CACNA1G: variants seen among roughly 807,000 people sequenced by gnomAD.
The protein encoded by CACNA1G is calcium voltage-gated channel subunit alpha1 G, also known as voltage-dependent T-type calcium channel subunit alpha-1G.
CACNA1G carries 67 observed loss-of-function variants against 219.4 expected under a neutral mutation model. The ratio of observed to expected loss-of-function variants is 0.31; its 90% CI spans 0.25 to 0.37. The LOEUF is 0.37. Ranked by LOEUF, CACNA1G falls within the 10% of genes least tolerant of loss-of-function variation. The pLI is 1.00. For synonymous variants in CACNA1G, 1,296 were observed against 1,345.3 expected (o/e 0.96, Z 0.80); for missense variants, 2,380 against 3,231.4 (o/e 0.74, Z 6.39).
chr17:50,589,010 G>A (rs1002796157), intron 9 of CACNA1G, among the ~76,000 whole-genome samples: 2 of 152,224 alleles, frequency 1.3e-5, no homozygotes, highest in African/African-American at 4.8e-5. Flanking sequence ...AAGGAGAGGT[G>A]TCTGATGGAA....
At position 50,561,200 on chromosome 17, in the gene CACNA1G, C is replaced by T. The variant is rs1286641116; in HGVS notation, c.-260C>T. 12 of 565,378 alleles carry T rather than the reference C, an allele frequency of 2.1e-5. No homozygotes were observed. The highest frequency in any genetic ancestry group is 1.7e-4 in the Admixed American group (6 of 34,308). The allele number at this position is 565,378 out of a possible 1,614,324, so 35.0% of individuals were successfully genotyped here. A position where few individuals can be genotyped will look rare whatever the true frequency, so the allele number is the denominator to read the frequency against. The stretch of plus-strand genomic sequence containing the variant: ...AACAAAGTGAGGGGGAGCCGGCCGG[C>T]TGGCCCGGGAAGCCCCAGGGGCGCA... On this transcript the variant is annotated 5_prime_UTR_variant, in exon 1 of 38. Coordinates refer to ENST00000359106, the MANE Select transcript of CACNA1G (RefSeq NM_018896.5).
Position 50,626,667 on chromosome 17 carries a change from C to T in CACNA1G, c.7050C>T (p.Asp2350=). 6.2e-7 allele frequency: 1 copy of T among 1,613,314 alleles called. No homozygotes were observed. The highest frequency in any genetic ancestry group is 8.5e-7 in the Non-Finnish European group (1 of 1,179,838). ...ATCCCTTGGCCTCTGGCCCCCCTGACAGCATGGCTGCCTCGCCCTCCCCAA... is the reference window on the plus strand; with the variant it reads ...ATCCCTTGGCCTCTGGCCCCCCTGATAGCATGGCTGCCTCGCCCTCCCCAA... ...SKDPLASGPP[D]SMAASPSPKK... Residue 2350 remains aspartate, a synonymous_variant, in exon 38 of 38, where the codon GAC becomes GAT. Transcript: ENST00000359106. The surrounding 1 kb of genome is among the most constrained non-coding windows in gnomAD (Gnocchi z 4.3).
chr17:50,561,446 C>A lies in CACNA1G; in HGVS notation c.-14C>A. 1 of 1,533,740 alleles carries A rather than the reference C, an allele frequency of 6.5e-7. No individual in the cohort carries two copies. The highest frequency in any genetic ancestry group is 8.7e-7 in the Non-Finnish European group (1 of 1,146,480). On this transcript the variant is annotated 5_prime_UTR_variant, in exon 1 of 38. Transcript: ENST00000359106. ...CCCCTCTCCGGATCGCCCGGGGCCC[C>A]GGCTGGCCAGAGGATGGACGAGGAG...
chr17:50,604,114 G>A, intron 21 of CACNA1G, 41 bp from the exon 22 acceptor site: 7 of 1,598,188 alleles, frequency 4.4e-6, no homozygotes, highest in Non-Finnish European at 6.0e-6. Flanking sequence ...GAGGGTCTGG[G>A]CTGGGGGAAG....
chr17:50,579,961 G>A (rs1476625277), intron 9 of CACNA1G, among the ~76,000 whole-genome samples: 1 of 152,106 alleles, frequency 6.6e-6, no homozygotes, highest in East Asian at 1.9e-4. Context: ...CCACACCACT[G>A]ACCTCTGCAC....
Position 50,618,381 on chromosome 17 carries a change from G to A in CACNA1G, c.5427+38G>A. 1.2e-6 allele frequency: 2 copies of A among 1,603,416 alleles called. No homozygotes were observed. The highest frequency in any genetic ancestry group is 1.7e-6 in the Non-Finnish European group (2 of 1,172,928). On this transcript the variant is annotated intron_variant, in intron 32 of 37. Transcript: ENST00000359106. The surrounding 1 kb of genome is among the most constrained non-coding windows in gnomAD (Gnocchi z 5.3). The stretch of plus-strand genomic sequence containing the variant: ...GGTTGGCCTAGGCTCCAGGGAGGCA[G>A]CCCCACTTCCTGAGCTAGGATTCCT...
At chr17:50,610,554 GC>G (rs1408301379) in intron 26 of CACNA1G, among the ~76,000 whole-genome samples, 2 of 152,122 alleles carry the variant, frequency 1.3e-5, no homozygotes, top group Non-Finnish European at 2.9e-5. Flanking sequence ...TCCTGGTCCA[GC>G]CCACCCTCCA....
chr17:50,572,242 T>G (rs2039604807), intron 5 of CACNA1G, among the ~76,000 whole-genome samples: 1 of 152,180 alleles, frequency 6.6e-6, no homozygotes, highest in Non-Finnish European at 1.5e-5. Context: ...AGATTCTGAT[T>G]TCATTGCTCT....
intron 22 of CACNA1G, among the ~76,000 whole-genome samples, 168 bp from the exon 23 acceptor site, chr17:50,605,730 C>T (rs1278702900): frequency 1.3e-5 from 2 of 152,166 alleles, no homozygotes; most frequent in African/African-American, 2.4e-5. Flanking sequence ...AAGGGGGTGT[C>T]GGCAGGGGAG....
Position 50,572,547 on chromosome 17 carries a change from C to A in CACNA1G, c.747-7C>A, listed in dbSNP as rs759985240. ...GTCTCACCCCTGTTCCCCTTCCCAT[C>A]CTGCAGCCCCCTGAGCGTGGACCTG... On this transcript the variant is annotated splice_polypyrimidine_tract_variant and splice_region_variant and intron_variant, in intron 5 of 37. Coordinates refer to ENST00000359106, the MANE Select transcript of CACNA1G (RefSeq NM_018896.5). 1.3e-6 allele frequency: 2 copies of A among 1,522,962 alleles called. No individual in the cohort carries two copies. Among genetic ancestry groups the A allele is most frequent in the Non-Finnish European group, 1.8e-6 (2 of 1,132,876 alleles). The allele number at this position is 1,522,962 out of a possible 1,614,324, so 94.3% of individuals were successfully genotyped here.
chr17:50,590,723 T>C, intron 10 of CACNA1G, 101 bp downstream of exon 10: 1 of 1,176,522 alleles, frequency 8.5e-7, no homozygotes, highest in Admixed American at 2.1e-5. Flanking sequence ...TGGAGGGGTC[T>C]GGAGTCAGGC....
Position 50,561,222 on chromosome 17 carries a change from C to A in CACNA1G, c.-238C>A, listed in dbSNP as rs1168713197. ...CGGCTGGCCCGGGAAGCCCCAGGGG[C>A]GCAGGGGAAGCGGGACTCGCGCCGG... On this transcript the variant is annotated 5_prime_UTR_variant, in exon 1 of 38. Transcript: ENST00000359106. 1.8e-5 allele frequency: 10 copies of A among 561,368 alleles called. No homozygotes were observed. The East Asian group carries it at 3.4e-4, about 19-fold the overall frequency. The allele number at this position is 561,368 out of a possible 1,614,324, so 34.8% of individuals were successfully genotyped here.
At chr17:50,568,527 G>A (rs1174268704) in intron 1 of CACNA1G, among the ~76,000 whole-genome samples, 2 of 152,232 alleles carry the variant, frequency 1.3e-5, no homozygotes, top group African/African-American at 4.8e-5. Flanking sequence ...AGGGAGAATA[G>A]GATTCAGATT....
Position 50,621,865 on chromosome 17 carries a change from C to A in CACNA1G, c.6060+71C>A. 6.4e-7 allele frequency: 1 copy of A among 1,564,708 alleles called. No individual in the cohort carries two copies. The highest frequency in any genetic ancestry group is 8.7e-7 in the Non-Finnish European group (1 of 1,145,998). ...GACTGGCTGCAGGGCTCCAGATCGG[C>A]CCAGGGAGGGTCCTGGGGCCGCCTC... On this transcript the variant is annotated intron_variant, in intron 35 of 37. Transcript: ENST00000359106. The surrounding 1 kb of genome is among the most constrained non-coding windows in gnomAD (Gnocchi z 4.6).
In CACNA1G at chr17:50,572,764, C is replaced by T. The variant is rs1377773123; in HGVS notation, c.957C>T (p.Tyr319=). The change falls in exon 6 of 38, where the codon TAC becomes TAT. Residue 319 remains tyrosine, a synonymous_variant. Coordinates refer to ENST00000359106, the MANE Select transcript of CACNA1G (RefSeq NM_018896.5). ...SNTTCVNWNQ[Y]YTNCSAGEHN... is the part of the protein sequence containing the mutation. ...CCACCTGTGTCAACTGGAACCAGTA[C>T]TACACCAACTGCTCAGCGGGGGAGC... The T allele has an allele frequency of 6.2e-7, 1 of 1,614,036 alleles. No homozygotes were observed. The highest frequency in any genetic ancestry group is 2.2e-5 in the East Asian group (1 of 44,880).
Position 50,618,235 on chromosome 17 carries a change from A to G in CACNA1G, c.5319A>G (p.Thr1773=). 1 of 1,613,576 alleles carries G rather than the reference A, an allele frequency of 6.2e-7. No homozygotes were observed. The highest frequency in any genetic ancestry group is 8.5e-7 in the Non-Finnish European group (1 of 1,179,734). The part of the protein sequence containing the change: ...ELFGDLECDE[T]HPCEGLGRHA... ...CTCCTCCCCCAGAGTGTGACGAGAC[A>G]CACCCCTGTGAGGGCCTGGGCCGTC... is the stretch of plus-strand genomic sequence containing the variant. Residue 1773 remains threonine (T), a synonymous_variant, in exon 32 of 38, where the codon ACA becomes ACG. Transcript: ENST00000359106. The surrounding 1 kb of genome is among the most constrained non-coding windows in gnomAD (Gnocchi z 5.3).
At chr17:50,609,470 C>T (rs1360655885) in intron 25 of CACNA1G, among the ~76,000 whole-genome samples, 1 of 152,164 alleles carries the variant, frequency 6.6e-6, no homozygotes, top group Non-Finnish European at 1.5e-5. Context: ...CCCACTCCTG[C>T]TCCATCCTCC....
intron 24 of CACNA1G, 75 bp downstream of exon 24, chr17:50,607,064 C>G (rs1416210092): frequency 1.7e-6 from 2 of 1,202,196 alleles, no homozygotes; most frequent in Non-Finnish European, 2.5e-6. Context: ...ACAGAAAGAG[C>G]AAGGCAGGGT....
intron 4 of CACNA1G, among the ~76,000 whole-genome samples, chr17:50,570,379 A>G (rs917213108): frequency 9.9e-5 from 15 of 152,054 alleles, no homozygotes; most frequent in Non-Finnish European, 8.8e-5. Context: ...TGGCAGCTCT[A>G]GTTCTCCCTA....
Sources: allele counts gnomAD v4.1 joint callset (sites outside exome capture counted in the v4.1 genomes callset), GRCh38; gene constraint gnomAD v4.1.1; non-coding constraint Gnocchi (gnomAD v3.1); transcripts MANE v1.5; gene names NCBI Gene and HGNC (gene_info 2026-07-23, HGNC 2026-07-21).